DOCK8: variants seen among roughly 807,000 people sequenced by gnomAD.
The protein encoded by DOCK8 is dedicator of cytokinesis 8.
DOCK8 carries 141 observed loss-of-function variants against 245.6 expected under a neutral mutation model. The ratio of observed to expected loss-of-function variants is 0.57; its 90% CI spans 0.50 to 0.66. DOCK8 has a LOEUF of 0.66. DOCK8 is among the 30% of genes least tolerant of loss of function. The probability of loss-of-function intolerance (pLI) is 0.00; values close to 1 mark genes in which losing one functional copy is unlikely to be tolerated. For missense variants in DOCK8, 2,965 were observed against 2,603.4 expected (o/e 1.14, Z -3.02); for synonymous variants, 1,168 against 970.2 (o/e 1.20, Z -3.79).
At chr9:287,446 A>G (rs2048868226) in intron 3 of DOCK8, among the ~76,000 whole-genome samples, 1 of 152,218 alleles carries the variant, frequency 6.6e-6, no homozygotes. Context: ...CCTCCTGGAC[A>G]GGTTCCATCT....
intron 25 of DOCK8, 28 bp downstream of exon 25, chr9:396,962 A>G (rs751668661): frequency 1.2e-6 from 2 of 1,607,486 alleles, no homozygotes; most frequent in Non-Finnish European, 8.5e-7. Context: ...TTTATTTTCT[A>G]AATTGTTTAC....
chr9:388,034 G>A (rs1010238143), intron 23 of DOCK8, among the ~76,000 whole-genome samples: 1 of 152,110 alleles, frequency 6.6e-6, no homozygotes, highest in Non-Finnish European at 1.5e-5. Flanking sequence ...TAATAATGCT[G>A]CCCAGAAAGC....
intron 28 of DOCK8, 27 bp downstream of exon 28, chr9:407,096 G>A (rs761899031): frequency 2.5e-6 from 4 of 1,613,768 alleles, no homozygotes; most frequent in South Asian, 1.1e-5. Context: ...TAAAATGGAA[G>A]ATGAAGCCAA....
At chr9:364,811 C>T (rs902749144) in intron 14 of DOCK8, among the ~76,000 whole-genome samples, 2 of 152,038 alleles carry the variant, frequency 1.3e-5, no homozygotes, top group East Asian at 1.9e-4. Context: ...AAAATGGGCA[C>T]ATATTGCTTT....
chr9:318,469 A>G (rs1197217467), intron 7 of DOCK8, among the ~76,000 whole-genome samples: 1 of 152,158 alleles, frequency 6.6e-6, no homozygotes, highest in East Asian at 1.9e-4. Flanking sequence ...ATTCCTACCT[A>G]CCACAAACTT....
intron 4 of DOCK8, among the ~76,000 whole-genome samples, chr9:294,588 A>G (rs2049176389): frequency 6.6e-6 from 1 of 152,218 alleles, no homozygotes; most frequent in East Asian, 1.9e-4. Context: ...TATGCACTTA[A>G]CCATACAACC....
intron 2 of DOCK8, among the ~76,000 whole-genome samples, chr9:281,441 A>C (rs2048581253): frequency 6.6e-6 from 1 of 152,120 alleles, no homozygotes; most frequent in Non-Finnish European, 1.5e-5. Context: ...AGAAAGCAAA[A>C]CAGTTAATTT....
intron 25 of DOCK8, among the ~76,000 whole-genome samples, chr9:398,150 G>T (rs36082184): frequency 0.21 from 31,328 of 152,064 alleles, 3,364 homozygotes; most frequent in Middle Eastern, 0.28. Flanking sequence ...TGAGAATAAG[G>T]CACAGTGAGG....
intron 1 of DOCK8, among the ~76,000 whole-genome samples, chr9:229,128 TAGG>T (rs879607983): frequency 1.3e-5 from 2 of 152,078 alleles, no homozygotes; most frequent in Non-Finnish European, 2.9e-5. Context: ...CTTCAAAGAG[TAGG>T]AGAATAGAAT....
At chr9:378,473 G>T (rs2053606221) in intron 20 of DOCK8, among the ~76,000 whole-genome samples, 1 of 152,202 alleles carries the variant, frequency 6.6e-6, no homozygotes, top group South Asian at 2.1e-4. Context: ...ACTCTGCTTT[G>T]CACCCTGATA....
At chr9:292,044 C>T (rs548595559) in intron 4 of DOCK8, among the ~76,000 whole-genome samples, 34 of 125,662 alleles carry the variant, frequency 2.7e-4, no homozygotes, top group African/African-American at 9.5e-4. Flanking sequence ...CACACCAGCC[C>T]AGGCAACAGA....
chr9:418,647 A>G (rs1422435243), intron 30 of DOCK8, among the ~76,000 whole-genome samples: 2 of 152,218 alleles, frequency 1.3e-5, no homozygotes, highest in East Asian at 3.9e-4. Context: ...GGAAAGAATC[A>G]TTGTGAGGCT....
At chr9:420,650 C>T (rs993549054) in intron 31 of DOCK8, 67 bp downstream of exon 31, 22 of 1,595,192 alleles carry the variant, frequency 1.4e-5, no homozygotes, top group East Asian at 2.2e-5. Flanking sequence ...TCTTCTTACT[C>T]ATCCCCTTTG....
chr9:239,445 A>G (rs1210257789), intron 1 of DOCK8, among the ~76,000 whole-genome samples: 1 of 152,228 alleles, frequency 6.6e-6, no homozygotes, highest in Non-Finnish European at 1.5e-5. Flanking sequence ...TAAGTAATGT[A>G]TGCAATATGA....
intron 1 of DOCK8, among the ~76,000 whole-genome samples, chr9:240,709 C>G (rs76842119): frequency 0.01 from 1,547 of 152,178 alleles, 32 homozygotes; most frequent in African/African-American, 0.036. Context: ...TTCTTGAGCA[C>G]TTACTTGTGC....
At chr9:401,213 T>C (rs2055083922) in intron 26 of DOCK8, among the ~76,000 whole-genome samples, 1 of 151,776 alleles carries the variant, frequency 6.6e-6, no homozygotes, top group Non-Finnish European at 1.5e-5. Flanking sequence ...GAAGGGGGGG[T>C]TGAGAGATTT....
intron 1 of DOCK8, among the ~76,000 whole-genome samples, chr9:246,813 G>T (rs1196253344): frequency 6.6e-6 from 1 of 151,882 alleles, no homozygotes; most frequent in East Asian, 1.9e-4. Flanking sequence ...ATGAAGTCTT[G>T]CAATGTTGCC....
chr9:296,571 C>A (rs983856642), intron 4 of DOCK8, among the ~76,000 whole-genome samples: 2 of 152,106 alleles, frequency 1.3e-5, no homozygotes, highest in Non-Finnish European at 2.9e-5. Context: ...TTTTATTACT[C>A]CATATTTTAC....
At position 325,660 on chromosome 9, in the gene DOCK8, T is replaced by C. The variant is rs1438588087; in HGVS notation, c.828-11T>C. 1 of 1,612,744 alleles carries C rather than the reference T, an allele frequency of 6.2e-7. No homozygotes were observed. The highest frequency in any genetic ancestry group is 8.5e-7 in the Non-Finnish European group (1 of 1,178,852). The stretch of plus-strand genomic sequence containing the variant: ...CAAAGCCACATAGATTTTCCTCTCT[T>C]TCTATGGTAGGTTCGAGATTGAAAT... On this transcript the variant is annotated splice_polypyrimidine_tract_variant and intron_variant, in intron 7 of 47. Transcript: ENST00000432829.
Sources: allele counts gnomAD v4.1 joint callset (sites outside exome capture counted in the v4.1 genomes callset), GRCh38; gene constraint gnomAD v4.1.1; transcripts MANE v1.5; gene names NCBI Gene and HGNC (gene_info 2026-07-23, HGNC 2026-07-21).